XYLT1: variants seen among roughly 807,000 people sequenced by gnomAD.
The protein encoded by XYLT1 is beta-D-xylosyltransferase 1.
In XYLT1, 36 loss-of-function variants were observed where a neutral mutation model predicts 91.3. The ratio of observed to expected loss-of-function variants is 0.39; its 90% confidence interval spans 0.30 to 0.52. XYLT1 has a LOEUF of 0.52. Ranked by LOEUF, XYLT1 falls within the 20% of genes least tolerant of loss-of-function variation. The probability of loss-of-function intolerance (pLI) is 0.68; values close to 1 mark genes in which losing one functional copy is unlikely to be tolerated. For missense variants in XYLT1, 1,242 were observed against 1,284.5 expected (o/e 0.97, Z 0.51); for synonymous variants, 588 against 532.0 (o/e 1.11, Z -1.45).
At chr16:17,404,887 G>A (rs2036011258) in intron 1 of XYLT1, among the ~76,000 whole-genome samples, 1 of 152,170 alleles carries the variant, frequency 6.6e-6, no homozygotes, top group Admixed American at 6.5e-5. Context: ...CTGCAACCAC[G>A]CGCATCTGCC....
chr16:17,222,749 C>T (rs956925745), intron 3 of XYLT1, among the ~76,000 whole-genome samples: 1 of 147,424 alleles, frequency 6.8e-6, no homozygotes, highest in African/African-American at 2.5e-5. Flanking sequence ...GGGATCGTGC[C>T]ACAGCACTCC....
At chr16:17,173,740 T>G (rs2031879872) in intron 5 of XYLT1, among the ~76,000 whole-genome samples, 1 of 152,246 alleles carries the variant, frequency 6.6e-6, no homozygotes, top group Admixed American at 6.5e-5. Flanking sequence ...GTGCTGCTGT[T>G]CTGCAGAATC....
chr16:17,292,046 C>T (rs1327504557), intron 2 of XYLT1, among the ~76,000 whole-genome samples: 2 of 151,476 alleles, frequency 1.3e-5, no homozygotes, highest in East Asian at 3.9e-4. Flanking sequence ...AAATAATTAG[C>T]CAGCTAGCCG....
intron 3 of XYLT1, among the ~76,000 whole-genome samples, chr16:17,248,333 C>G (rs1224174714): frequency 2.0e-5 from 3 of 152,192 alleles, no homozygotes; most frequent in Non-Finnish European, 4.4e-5. Flanking sequence ...TACCCAGTCT[C>G]AAGTAAGTCT....
intron 5 of XYLT1, among the ~76,000 whole-genome samples, chr16:17,191,678 A>C (rs1485085755): frequency 6.6e-6 from 1 of 152,222 alleles, no homozygotes; most frequent in Non-Finnish European, 1.5e-5. Flanking sequence ...ACTGTAGAGA[A>C]GCCCTGGCCA....
intron 5 of XYLT1, among the ~76,000 whole-genome samples, chr16:17,180,264 C>A (rs2032038329): frequency 6.6e-6 from 1 of 152,138 alleles, no homozygotes; most frequent in South Asian, 2.1e-4. Flanking sequence ...GCACCACAAC[C>A]CAGCAAAGCA....
intron 2 of XYLT1, among the ~76,000 whole-genome samples, chr16:17,298,124 T>C (rs1161720801): frequency 6.6e-6 from 1 of 152,170 alleles, no homozygotes; most frequent in Non-Finnish European, 1.5e-5. Context: ...AAGGTCTCAC[T>C]TGCCAAAATT....
rs909834027 is a variant in XYLT1 at position 17,102,859 on chromosome 16, C to G, written c.*5836G>C. ...ATAGTTATTTTTAAAAACTATATCA[C>G]CACATGTCTTTGAAAACAATGAAGG... On this transcript the variant is annotated 3_prime_UTR_variant, in exon 12 of 12. Coordinates refer to ENST00000261381, the MANE Select transcript of XYLT1 (RefSeq NM_022166.4). 1 of 152,238 alleles carries G rather than the reference C, an allele frequency of 6.6e-6. No individual in the cohort carries two copies. The highest frequency in any genetic ancestry group is 1.5e-5 in the Non-Finnish European group (1 of 67,984). 9.4% of individuals were successfully genotyped at this position (152,238 alleles called of 1,614,324 possible).
At chr16:17,112,889 G>A (rs1966844968) in intron 11 of XYLT1, among the ~76,000 whole-genome samples, 1 of 143,996 alleles carries the variant, frequency 6.9e-6, no homozygotes, top group South Asian at 2.2e-4. Flanking sequence ...TGCCAGGCTG[G>A]AGTGCAATGG....
intron 5 of XYLT1, among the ~76,000 whole-genome samples, chr16:17,197,018 TATATATATATATAG>T (rs1430479968): frequency 3.4e-5 from 4 of 117,786 alleles, no homozygotes; most frequent in African/African-American, 8.3e-5. Flanking sequence ...CTCCAAAATA[TATATATATATATAG>T]ATATATATAC....
chr16:17,102,972 A>G lies in XYLT1; in HGVS notation c.*5723T>C, dbSNP rs1966726843. ...ATAATATTTAAAAAAAAAAAAGGCA[A>G]AAGGACTACAAAGACAATTGCGCAC... On this transcript the variant is annotated 3_prime_UTR_variant, in exon 12 of 12. Transcript: ENST00000261381. 1 of 152,582 alleles carries G rather than the reference A, an allele frequency of 6.6e-6. No homozygotes were observed. Among genetic ancestry groups the G allele is most frequent in the Admixed American group, 6.5e-5 (1 of 15,284 alleles). The allele number at this position is 152,582 out of a possible 1,614,324, so 9.5% of individuals were successfully genotyped here.
At chr16:17,114,314 G>A (rs537551314) in intron 11 of XYLT1, among the ~76,000 whole-genome samples, 19 of 152,302 alleles carry the variant, frequency 1.2e-4, no homozygotes, top group African/African-American at 4.6e-4. Context: ...AAACCATTTG[G>A]TCAGAAGTTC....
intron 2 of XYLT1, among the ~76,000 whole-genome samples, chr16:17,282,993 C>T (rs1053083489): frequency 2.0e-5 from 3 of 151,950 alleles, no homozygotes; most frequent in East Asian, 1.9e-4. Context: ...GTAAGCAGCT[C>T]GTTCAGAGCA....
intron 2 of XYLT1, among the ~76,000 whole-genome samples, chr16:17,321,902 C>G (rs1033271557): frequency 6.6e-6 from 1 of 152,134 alleles, no homozygotes; most frequent in Non-Finnish European, 1.5e-5. Context: ...GCGGAGCTAT[C>G]TTTTCTGTGA....
intron 3 of XYLT1, among the ~76,000 whole-genome samples, chr16:17,232,180 A>G (rs1049827206): frequency 9.0e-5 from 13 of 144,152 alleles, no homozygotes; most frequent in African/African-American, 3.0e-4. Context: ...ATTATACAAT[A>G]TATACTATAT....
intron 3 of XYLT1, among the ~76,000 whole-genome samples, chr16:17,214,436 G>A (rs529395368): frequency 5.0e-4 from 76 of 152,198 alleles, no homozygotes; most frequent in Non-Finnish European, 9.7e-4. Context: ...GAAGTGCCTA[G>A]TACAGAGCAG....
intron 1 of XYLT1, among the ~76,000 whole-genome samples, chr16:17,394,869 TC>T (rs2141895581): frequency 6.6e-6 from 1 of 152,274 alleles, no homozygotes; most frequent in East Asian, 1.9e-4. Flanking sequence ...GCCTGTAATC[TC>T]AACACTTTGG....
At position 17,328,548 on chromosome 16, in the gene XYLT1, CAAAAAAAAAAA is replaced by C. The variant is rs71373105; in HGVS notation, c.402+29453_402+29463del. On this transcript the variant is annotated intron_variant, in intron 2 of 11. Coordinates refer to ENST00000261381, the MANE Select transcript of XYLT1 (RefSeq NM_022166.4). Reference sequence around the variant, plus strand: ...TGGGTGACTGAGCAAGACTCCTTCTCAAAAAAAAAAAAAAAAAAAAAAAAAAAAGAAGGTGT... The same window carrying C: ...TGGGTGACTGAGCAAGACTCCTTCTCAAAAAAAAAAAAAAAAAGAAGGTGT... 7.8e-5 allele frequency among the ~76,000 whole-genome samples: 4 copies of C among 51,256 alleles called. No individual in the cohort carries two copies. The East Asian group carries it at 4.3e-3, about 55-fold the overall frequency. 33.6% of individuals were successfully genotyped at this position (51,256 alleles called of 152,430 possible).
intron 5 of XYLT1, among the ~76,000 whole-genome samples, chr16:17,189,760 G>GT (rs1273246828): frequency 6.6e-6 from 1 of 152,136 alleles, no homozygotes; most frequent in Non-Finnish European, 1.5e-5. Context: ...AAAATGTCCA[G>GT]AATAGGCTGG....
Sources: allele counts gnomAD v4.1 joint callset (sites outside exome capture counted in the v4.1 genomes callset), GRCh38; gene constraint gnomAD v4.1.1; transcripts MANE v1.5; gene names NCBI Gene and HGNC (gene_info 2026-07-23, HGNC 2026-07-21).